The following GDE1 variants were observed in gnomAD, a reference collection of about 807,000 sequenced individuals.
GDE1 encodes RGS16-interacting membrane protein.
Under a neutral mutation model 32.2 loss-of-function variants are expected in GDE1, and 24 were observed. That is an observed-to-expected ratio of 0.75 (90% CI 0.54 to 1.05). GDE1 has a LOEUF of 1.05. Among genes scored for constraint, GDE1 ranks in the 50% least tolerant of loss-of-function variants. GDE1 has a pLI of 0.00. For missense variants in GDE1, 380 were observed against 415.0 expected (o/e 0.92, Z 0.73); for synonymous variants, 159 against 158.6 (o/e 1.00, Z -0.02).
chr16:19,516,795 C>G (rs2009787), intron 2 of GDE1, among the ~76,000 whole-genome samples: 55,408 of 152,108 alleles, frequency 0.36, 11,666 homozygotes, highest in East Asian at 0.56. Flanking sequence ...ATTATCTTGA[C>G]AATAATTCTG....
chr16:19,511,025 C>T, intron 2 of GDE1, 81 bp from the exon 3 acceptor site: 2 of 665,354 alleles, frequency 3.0e-6, no homozygotes, highest in Non-Finnish European at 5.3e-6. Context: ...GCATATGTCT[C>T]TCAATCAAAA....
At position 19,504,888 on chromosome 16, in the gene GDE1, C is replaced by T; in HGVS notation, c.841G>A (p.Val281Ile). 3 of 1,606,386 alleles carry T rather than the reference C, an allele frequency of 1.9e-6. No homozygotes were observed. The highest frequency in any genetic ancestry group is 1.1e-5 in the South Asian group (1 of 90,566). ...AAAAACCTTCCAACTTACGGGGATA[C>T]AAAATCCTTTTGCATGAGGAAAGCT... ...ISAFLMQKDF[V>I]SPAYLKKWSA... Residue 281 changes from valine (V) to isoleucine (I), a missense_variant, in exon 5 of 6, where the codon GTA (valine) becomes ATA (isoleucine). Val to Ile is a conservative substitution (Grantham distance 29, BLOSUM62 3). Transcript: ENST00000353258.
intron 4 of GDE1, among the ~76,000 whole-genome samples, chr16:19,506,586 A>G (rs1251121463): frequency 2.0e-5 from 3 of 152,160 alleles, no homozygotes; most frequent in African/African-American, 7.2e-5. Flanking sequence ...CGGGAGGCAG[A>G]GGTTGCGATG....
intron 2 of GDE1, among the ~76,000 whole-genome samples, chr16:19,513,326 G>A (rs763528442): frequency 6.6e-6 from 1 of 150,620 alleles, no homozygotes; most frequent in Admixed American, 6.6e-5. Flanking sequence ...CACCTCTTTG[G>A]TTATATTTAT....
At chr16:19,510,398 T>G (rs1969302702) in intron 3 of GDE1, among the ~76,000 whole-genome samples, 1 of 152,242 alleles carries the variant, frequency 6.6e-6, no homozygotes, top group Non-Finnish European at 1.5e-5. Flanking sequence ...GCTTTTAATA[T>G]AGGAATTCTC....
At chr16:19,507,853 A>G (rs1969268944) in intron 3 of GDE1, 74 bp from the exon 4 acceptor site, 1 of 718,790 alleles carries the variant, frequency 1.4e-6, no homozygotes, top group Non-Finnish European at 2.5e-6. Context: ...TAACTATCAC[A>G]TATTAAGTAC....
At chr16:19,517,292 T>A in intron 1 of GDE1, 103 bp from the exon 2 acceptor site, 3 of 846,248 alleles carry the variant, frequency 3.5e-6, no homozygotes, top group Non-Finnish European at 5.7e-6. Context: ...GCTGTCCTTT[T>A]TGATTCATTT....
intron 4 of GDE1, 103 bp from the exon 5 acceptor site, chr16:19,505,195 T>G (rs1969231741): frequency 1.3e-6 from 1 of 781,272 alleles, no homozygotes; most frequent in Admixed American, 2.0e-5. Flanking sequence ...GTGGTCATGG[T>G]TGGTACCCTG....
intron 2 of GDE1, 89 bp from the exon 3 acceptor site, chr16:19,511,033 A>G: frequency 3.1e-6 from 2 of 638,956 alleles, no homozygotes; most frequent in Non-Finnish European, 5.6e-6. Flanking sequence ...CTCTCAATCA[A>G]AAGGAAAGAG....
chr16:19,509,755 G>A (rs892778913), intron 3 of GDE1, among the ~76,000 whole-genome samples: 1 of 150,546 alleles, frequency 6.6e-6, no homozygotes, highest in South Asian at 2.1e-4. Flanking sequence ...CTGTCTCCCC[G>A]GTTCAAGCGA....
rs752511353 is a variant in GDE1 at position 19,507,687 on chromosome 16, C to T, written c.636G>A (p.Lys212=). ...GTACAAGAAAAATCCCGAATGTTACCTTGTAGATAACTTCTGGCAAGAAAG... is the reference window on the plus strand; with the variant it reads ...GTACAAGAAAAATCCCGAATGTTACTTTGTAGATAACTTCTGGCAAGAAAG... ...VCSFLPEVIY[K]MRQTDRDVIT... Residue 212 remains lysine (K), a splice_region_variant and synonymous_variant, in exon 4 of 6, where the codon AAG becomes AAA. Transcript: ENST00000353258. 7.4e-6 allele frequency: 11 copies of T among 1,478,390 alleles called. No homozygotes were observed. Among genetic ancestry groups the T allele is most frequent in the Non-Finnish European group, 1.0e-5 (11 of 1,056,604 alleles). 91.6% of individuals were successfully genotyped at this position (1,478,390 alleles called of 1,614,324 possible). A position where few individuals can be genotyped will look rare whatever the true frequency, so the allele number is the denominator to read the frequency against.
At position 19,517,139 on chromosome 16, in the gene GDE1, A is replaced by G. The variant is rs1474744305; in HGVS notation, c.312T>C (p.Ser104=). The G allele has an allele frequency of 6.2e-7, 1 of 1,614,066 alleles. No individual in the cohort carries two copies. Among genetic ancestry groups the G allele is most frequent in the Admixed American group, 1.7e-5 (1 of 60,034 alleles). ...CGTGCATTAAGACAGGAATCCCGTC[A>G]GAAGTAAACTCAATGTCCAACTCCA... The part of the protein sequence containing the change: ...TGVELDIEFT[S]DGIPVLMHDN... Residue 104 remains serine (S), a synonymous_variant, in exon 2 of 6, where the codon TCT becomes TCC. Transcript: ENST00000353258.
Position 19,505,090 on chromosome 16 carries a change from C to A in GDE1, c.639G>T (p.Met213Ile). The change falls in exon 5 of 6, where the codon ATG becomes ATT. Residue 213 changes from methionine (M) to isoleucine (I), a missense_variant and splice_region_variant. Met to Ile is a conservative substitution (Grantham distance 10). Transcript: ENST00000353258. The part of the protein sequence containing the change: ...CSFLPEVIYK[M>I]RQTDRDVITA... Reference sequence around the variant, plus strand: ...TTATTACATCCCGATCTGTTTGTCTCATCTGCAAAGGAATTTGGGGAAGTA... The same window carrying A: ...TTATTACATCCCGATCTGTTTGTCTAATCTGCAAAGGAATTTGGGGAAGTA... 6.3e-7 allele frequency: 1 copy of A among 1,599,900 alleles called. No homozygotes were observed. Among genetic ancestry groups the A allele is most frequent in the Non-Finnish European group, 8.6e-7 (1 of 1,167,082 alleles).
chr16:19,518,089 T>C (rs1434527108), intron 1 of GDE1, among the ~76,000 whole-genome samples: 2 of 152,144 alleles, frequency 1.3e-5, no homozygotes, highest in African/African-American at 4.8e-5. Flanking sequence ...GGTTTCACCA[T>C]GTTGTCCAGG....
rs1028299613 is a variant in GDE1 at position 19,502,801 on chromosome 16, C to T, written c.*669G>A. ...TCAGATCACATCTGTTGCAGAGCTT[C>T]CTAAAAAGCCTGGAAAAATGCAACT... On this transcript the variant is annotated 3_prime_UTR_variant, in exon 6 of 6. Coordinates refer to ENST00000353258, the MANE Select transcript of GDE1 (RefSeq NM_016641.4). 7.9e-5 allele frequency: 12 copies of T among 152,140 alleles called. No homozygotes were observed. Among genetic ancestry groups the T allele is most frequent in the African/African-American group, 2.9e-4 (12 of 41,416 alleles). The allele number at this position is 152,140 out of a possible 1,614,324, so 9.4% of individuals were successfully genotyped here.
In GDE1 at chr16:19,516,065, A is replaced by G. The variant is rs116586433; in HGVS notation, c.437+949T>C. Among the ~76,000 whole-genome samples, 697 of 152,356 alleles carry G rather than the reference A, an allele frequency of 4.6e-3. 10 individuals are homozygous for G. Among genetic ancestry groups the G allele is most frequent in the African/African-American group, 0.016 (660 of 41,576 alleles). On this transcript the variant is annotated intron_variant, in intron 2 of 5. Coordinates refer to ENST00000353258, the MANE Select transcript of GDE1 (RefSeq NM_016641.4). ...ATCAGCTGATGTGGACTGTTTATCC[A>G]CAACAGAAGTATTCAGAATACACTG...
Position 19,501,939 on chromosome 16 carries a change from G to A in GDE1, c.*1531C>T, listed in dbSNP as rs553544849. Reference sequence around the variant, plus strand: ...GATGCAGGAGGGAAGCCATGGCTAAGCTGTGGGCCTGGACAAAGGCCACAG... The same window carrying A: ...GATGCAGGAGGGAAGCCATGGCTAAACTGTGGGCCTGGACAAAGGCCACAG... On this transcript the variant is annotated 3_prime_UTR_variant, in exon 6 of 6. Coordinates refer to ENST00000353258, the MANE Select transcript of GDE1 (RefSeq NM_016641.4). The A allele has an allele frequency of 6.6e-6, 1 of 152,360 alleles. No homozygotes were observed. Among genetic ancestry groups the A allele is most frequent in the East Asian group, 1.9e-4 (1 of 5,180 alleles). The allele number at this position is 152,360 out of a possible 1,614,324, so 9.4% of individuals were successfully genotyped here.
At chr16:19,518,189 T>C (rs1002645716) in intron 1 of GDE1, among the ~76,000 whole-genome samples, 2 of 152,142 alleles carry the variant, frequency 1.3e-5, no homozygotes, top group Admixed American at 1.3e-4. Context: ...TGCCCAGCTA[T>C]GATCAAGATT....
intron 1 of GDE1, among the ~76,000 whole-genome samples, chr16:19,520,876 C>T (rs1454267996): frequency 2.0e-5 from 3 of 152,104 alleles, no homozygotes; most frequent in Non-Finnish European, 2.9e-5. Flanking sequence ...AGGAGAATGC[C>T]AAGAGCTGGG....
Sources: gnomAD v4.1 joint callset for allele counts (sites outside exome capture counted in the v4.1 genomes callset) on GRCh38, gnomAD v4.1.1 for gene constraint, MANE v1.5 for transcripts, NCBI Gene and HGNC (gene_info 2026-07-23, HGNC 2026-07-21) for gene names.